PPM1D: variants seen among roughly 807,000 people sequenced by gnomAD.
The protein encoded by PPM1D is protein phosphatase, Mg2+/Mn2+ dependent 1D, also known as protein phosphatase 1D.
Under a neutral mutation model 58.3 loss-of-function variants are expected in PPM1D, and 52 were observed. The ratio of observed to expected loss-of-function variants is 0.89; its 90% CI spans 0.71 to 1.12. The LOEUF (loss-of-function observed/expected upper bound fraction) is 1.12. Ranked by LOEUF, PPM1D falls within the 50% of genes most tolerant of loss-of-function variation. The pLI is 0.00. For missense variants in PPM1D, 564 were observed against 777.2 expected, an observed-to-expected ratio of 0.73 and a Z score of 3.26; for synonymous variants, 278 against 285.1, an observed-to-expected ratio of 0.98 and a Z score of 0.25.
At chr17:60,637,239 C>G (rs1206501890) in intron 3 of PPM1D, among the ~76,000 whole-genome samples, 2 of 151,822 alleles carry the variant, frequency 1.3e-5, no homozygotes, top group African/African-American at 2.4e-5. Context: ...TCTCTTTTTT[C>G]TTTTTCTTTC....
intron 2 of PPM1D, among the ~76,000 whole-genome samples, chr17:60,628,362 C>T (rs959621537): frequency 1.3e-5 from 2 of 152,134 alleles, no homozygotes; most frequent in African/African-American, 4.8e-5. Flanking sequence ...ATACTGTTAT[C>T]ACCTGGTGTC....
intron 4 of PPM1D, among the ~76,000 whole-genome samples, chr17:60,654,936 A>C (rs547231118): frequency 1.3e-5 from 2 of 152,128 alleles, no homozygotes; most frequent in Non-Finnish European, 2.9e-5. Flanking sequence ...CCTGGAGTAC[A>C]TCATTTTCAC....
chr17:60,622,766 A>G (rs148995894), intron 1 of PPM1D, among the ~76,000 whole-genome samples: 1 of 152,330 alleles, frequency 6.6e-6, no homozygotes, highest in East Asian at 1.9e-4. Flanking sequence ...CAGTAAATGT[A>G]ATTTGTTAAG....
intron 5 of PPM1D, among the ~76,000 whole-genome samples, chr17:60,657,376 T>A (rs2031459990): frequency 6.6e-6 from 1 of 152,212 alleles, no homozygotes; most frequent in Non-Finnish European, 1.5e-5. Flanking sequence ...TAAGCAAATT[T>A]TAAGTAGATA....
intron 3 of PPM1D, among the ~76,000 whole-genome samples, chr17:60,645,087 C>CT (rs1248358030): frequency 1.3e-5 from 2 of 152,174 alleles, no homozygotes; most frequent in Non-Finnish European, 2.9e-5. Flanking sequence ...GGCGTGGTGT[C>CT]TAACGCCTGT....
chr17:60,639,282 A>T (rs1460848836), intron 3 of PPM1D, among the ~76,000 whole-genome samples: 1 of 150,568 alleles, frequency 6.6e-6, no homozygotes, highest in Non-Finnish European at 1.5e-5. Flanking sequence ...TGCTCGGCTA[A>T]GTTTTGTACA....
chr17:60,617,964 G>A (rs1429336861), intron 1 of PPM1D, among the ~76,000 whole-genome samples: 1 of 152,112 alleles, frequency 6.6e-6, no homozygotes, highest in Non-Finnish European at 1.5e-5. Flanking sequence ...TGAGAGTTCT[G>A]TAATGGTTTA....
At chr17:60,616,041 T>C (rs569915658) in intron 1 of PPM1D, among the ~76,000 whole-genome samples, 5 of 152,174 alleles carry the variant, frequency 3.3e-5, no homozygotes, top group African/African-American at 9.6e-5. Flanking sequence ...AGAGTCTTGC[T>C]GTCACCCAGG....
chr17:60,625,638 G>C (rs1165701194), intron 2 of PPM1D, among the ~76,000 whole-genome samples: 1 of 152,090 alleles, frequency 6.6e-6, no homozygotes, highest in East Asian at 1.9e-4. Flanking sequence ...AAAACTCATG[G>C]TGTTTTGAAA....
intron 3 of PPM1D, among the ~76,000 whole-genome samples, chr17:60,638,061 T>C (rs1180445888): frequency 6.6e-6 from 1 of 152,200 alleles, no homozygotes; most frequent in Non-Finnish European, 1.5e-5. Context: ...TTGGGGTTAT[T>C]GAAGAAAGAA....
intron 5 of PPM1D, among the ~76,000 whole-genome samples, chr17:60,661,496 T>C (rs2031525469): frequency 6.6e-6 from 1 of 152,114 alleles, no homozygotes; most frequent in South Asian, 2.1e-4. Flanking sequence ...AGTAAGAATG[T>C]TCTTATCTGG....
At position 60,656,691 on chromosome 17, in the gene PPM1D, C is replaced by G; in HGVS notation, c.1110C>G (p.Ala370=). 6.2e-7 allele frequency: 1 copy of G among 1,614,148 alleles called. No homozygotes were observed. The highest frequency in any genetic ancestry group is 8.5e-7 in the Non-Finnish European group (1 of 1,180,026). ...TGCTCCGAGCAGATAACACTAGTGC[C>G]ATAGTAATCTGCATCTCTCCAGAAG... ...QRMLRADNTS[A]IVICISPEVD... Residue 370 remains alanine, a synonymous_variant, in exon 5 of 6, where the codon GCC becomes GCG. Transcript: ENST00000305921.
At chr17:60,610,135 G>C (rs1331653832) in intron 1 of PPM1D, among the ~76,000 whole-genome samples, 2 of 149,754 alleles carry the variant, frequency 1.3e-5, no homozygotes, top group African/African-American at 5.0e-5. Context: ...AGCCGAGATC[G>C]TGCCACTGCA....
Position 60,648,043 on chromosome 17 carries a change from C to T in PPM1D, c.978C>T (p.Ile326=). 1 of 1,613,594 alleles carries T rather than the reference C, an allele frequency of 6.2e-7. No individual in the cohort carries two copies. Among genetic ancestry groups the T allele is most frequent in the African/African-American group, 1.3e-5 (1 of 75,034 alleles). The change falls in exon 4 of 6, where the codon ATC becomes ATT. Residue 326 remains isoleucine (I), a synonymous_variant. Coordinates refer to ENST00000305921, the MANE Select transcript of PPM1D (RefSeq NM_003620.4). ...ATATGATTCCACCACAAGATGCCAT[C>T]TCAATGTGCCAGGACCAAGAGGAGA... ...LWNMIPPQDA[I]SMCQDQEEKK...
intron 2 of PPM1D, among the ~76,000 whole-genome samples, chr17:60,629,932 C>T (rs879350889): frequency 8.6e-5 from 13 of 152,006 alleles, no homozygotes; most frequent in Admixed American, 5.2e-4. Context: ...CCCAGCTACT[C>T]GGGAGGCTGA....
rs769011373 is a variant in PPM1D, at chr17:60,647,986, G to A, written c.921G>A (p.Lys307=). 1.9e-6 allele frequency: 3 copies of A among 1,613,990 alleles called. No homozygotes were observed. Among genetic ancestry groups the A allele is most frequent in the East Asian group, 2.2e-5 (1 of 44,874 alleles). ...ACACTCTTGACCCTCAGAAGCACAA[G>A]TATATTATATTGGGGAGTGATGGAC... ...SVHTLDPQKH[K]YIILGSDGLW... The change falls in exon 4 of 6, where the codon AAG becomes AAA. Residue 307 remains lysine (K), a synonymous_variant. Transcript: ENST00000305921.
chr17:60,656,821 T>C lies in PPM1D; in HGVS notation c.1240T>C (p.Cys414Arg), dbSNP rs1393870150. Residue 414 changes from cysteine (C) to arginine (R), a missense_variant, in exon 5 of 6, where the codon TGT becomes CGT. Cys to Arg is a radical substitution (Grantham distance 180). Coordinates refer to ENST00000305921, the MANE Select transcript of PPM1D (RefSeq NM_003620.4). The part of the protein sequence containing the change: ...QETCVMTPSP[C>R]STPPVKSLEE... The stretch of plus-strand genomic sequence containing the variant: ...AACCTGTGTGATGACTCCTTCCCCA[T>C]GTTCTACACCACCAGTCAAGGTATA... 1 of 1,613,874 alleles carries C rather than the reference T, an allele frequency of 6.2e-7. No homozygotes were observed. The highest frequency in any genetic ancestry group is 8.5e-7 in the Non-Finnish European group (1 of 1,179,976).
chr17:60,654,186 T>C (rs2031392279), intron 4 of PPM1D, among the ~76,000 whole-genome samples: 1 of 151,880 alleles, frequency 6.6e-6, no homozygotes, highest in African/African-American at 2.4e-5. Context: ...TGAGGTATAT[T>C]TCTACTATAC....
chr17:60,658,022 T>C (rs967450301), intron 5 of PPM1D, among the ~76,000 whole-genome samples: 24 of 152,358 alleles, frequency 1.6e-4, no homozygotes, highest in African/African-American at 5.5e-4. Flanking sequence ...ATTATAGGCC[T>C]GGCTGAAATG....
Sources: allele counts gnomAD v4.1 joint callset (sites outside exome capture counted in the v4.1 genomes callset), GRCh38; gene constraint gnomAD v4.1.1; transcripts MANE v1.5; gene names NCBI Gene and HGNC (gene_info 2026-07-23, HGNC 2026-07-21).